Variants in KLF12 observed in about 807,000 individuals in gnomAD.
The protein encoded by KLF12 is Krueppel-like factor 12.
A neutral mutation model predicts 37.8 loss-of-function variants in KLF12; 9 were observed. That is an observed-to-expected ratio of 0.24 (90% CI 0.14 to 0.42). The LOEUF (loss-of-function observed/expected upper bound fraction) is 0.42, where lower values mean the gene tolerates loss of function less well. Ranked by LOEUF, KLF12 falls within the 10% of genes least tolerant of loss-of-function variation. KLF12 has a pLI of 1.00. For missense variants in KLF12, 411 were observed against 516.0 expected, an observed-to-expected ratio of 0.80 and a Z score of 1.97; for synonymous variants, 208 against 202.1, an observed-to-expected ratio of 1.03 and a Z score of -0.25.
the KLF12 span, among the ~76,000 whole-genome samples, chr13:74,212,041 G>A: frequency 6.6e-6 from 1 of 151,962 alleles, no homozygotes; most frequent in Non-Finnish European, 1.5e-5. Flanking sequence ...TTTTCAAAGT[G>A]GAGTGAAAAA....
intron 7 of KLF12, among the ~76,000 whole-genome samples, chr13:73,713,006 G>A (rs78156481): frequency 0.068 from 10,401 of 152,134 alleles, 463 homozygotes; most frequent in South Asian, 0.17. Flanking sequence ...TTTGAGGTAC[G>A]CCTGTATTAA....
At chr13:73,861,345 C>T (rs1052384580) in intron 3 of KLF12, among the ~76,000 whole-genome samples, 6 of 152,218 alleles carry the variant, frequency 3.9e-5, no homozygotes, top group Admixed American at 3.9e-4. Context: ...TCTGCTGCTG[C>T]TTCCTGCGCA....
chr13:74,088,050 C>T (rs1011824437), intron 1 of KLF12, among the ~76,000 whole-genome samples: 2 of 151,996 alleles, frequency 1.3e-5, no homozygotes, highest in African/African-American at 4.8e-5. Context: ...GGAGTGGTAT[C>T]CTACAGACTG....
At chr13:73,779,013 C>T (rs1207881593) in intron 5 of KLF12, among the ~76,000 whole-genome samples, 3 of 152,100 alleles carry the variant, frequency 2.0e-5, no homozygotes, top group Admixed American at 2.0e-4. Flanking sequence ...CTAGTCTGGG[C>T]TATTTAAATG....
the KLF12 span, among the ~76,000 whole-genome samples, chr13:74,181,370 A>C: frequency 6.6e-6 from 1 of 151,400 alleles, no homozygotes; most frequent in South Asian, 2.1e-4. Context: ...TGAAAAAAAA[A>C]AAAGAAAAAT....
rs1441209872 is a variant in KLF12, at chr13:73,874,893, T to C, written c.124-28520A>G. ...AACCAAAGAGAAATTTTAAGAATTA[T>C]AGCTCTTTGCCCTTACAAAGTTTCA... On this transcript the variant is annotated intron_variant, in intron 3 of 7. Coordinates refer to ENST00000377669, the MANE Select transcript of KLF12 (RefSeq NM_007249.5). Among the ~76,000 whole-genome samples the C allele has an allele frequency of 3.3e-5, 5 of 152,326 alleles. No individual in the cohort carries two copies. In the South Asian group the frequency reaches 6.2e-4, roughly 19 times the overall value.
intron 1 of KLF12, among the ~76,000 whole-genome samples, chr13:74,065,617 A>C (rs1235798114): frequency 1.3e-5 from 2 of 152,124 alleles, no homozygotes; most frequent in Non-Finnish European, 2.9e-5. Flanking sequence ...AGAGAAGTGG[A>C]TATACACAGA....
intron 3 of KLF12, among the ~76,000 whole-genome samples, chr13:73,889,449 G>T (rs1013816644): frequency 6.6e-6 from 1 of 152,072 alleles, no homozygotes; most frequent in African/African-American, 2.4e-5. Flanking sequence ...GAATTATTAC[G>T]CTCACTTTGC....
At chr13:74,126,329 G>A (rs1172110362) in intron 1 of KLF12, among the ~76,000 whole-genome samples, 1 of 152,176 alleles carries the variant, frequency 6.6e-6, no homozygotes, top group Non-Finnish European at 1.5e-5. Context: ...ATATGCAGAA[G>A]TGAAGGGACC....
chr13:74,058,449 G>C (rs1029947618), intron 1 of KLF12, among the ~76,000 whole-genome samples: 5 of 147,244 alleles, frequency 3.4e-5, no homozygotes, highest in African/African-American at 1.3e-4. Context: ...CTCCGCCTCC[G>C]GGTTCACGCC....
the KLF12 span, among the ~76,000 whole-genome samples, chr13:74,175,328 C>G: frequency 6.6e-6 from 1 of 152,078 alleles, no homozygotes; most frequent in Non-Finnish European, 1.5e-5. Context: ...TGTAGGGAAG[C>G]CAGAAAGAAT....
chr13:73,774,105 C>T (rs564146192), intron 5 of KLF12, among the ~76,000 whole-genome samples: 14 of 151,850 alleles, frequency 9.2e-5, no homozygotes, highest in African/African-American at 2.7e-4. Flanking sequence ...AGTACCAGGC[C>T]GTATGTCCAA....
chr13:74,192,392 C>T, the KLF12 span, among the ~76,000 whole-genome samples: 289 of 152,244 alleles, frequency 1.9e-3, no homozygotes, highest in Middle Eastern at 6.8e-3. Context: ...CTTTCAGATA[C>T]GACTACAGTC....
At chr13:74,210,389 T>C in the KLF12 span, among the ~76,000 whole-genome samples, 38 of 152,174 alleles carry the variant, frequency 2.5e-4, 1 homozygote, top group Admixed American at 9.2e-4. Context: ...ATTATGCTTT[T>C]TGCCCTGCAA....
intron 6 of KLF12, among the ~76,000 whole-genome samples, chr13:73,721,755 G>A (rs7992998): frequency 0.64 from 95,700 of 150,456 alleles, 30,924 homozygotes; most frequent in East Asian, 0.73. Context: ...GTCTTGCTGT[G>A]TTGTCCTAGC....
At chr13:73,762,666 T>A (rs1270021154) in intron 6 of KLF12, among the ~76,000 whole-genome samples, 1 of 152,164 alleles carries the variant, frequency 6.6e-6, no homozygotes, top group Non-Finnish European at 1.5e-5. Context: ...GAACTTGACA[T>A]GTAATCCTAC....
At chr13:74,044,855 A>G (rs1893499072) in intron 1 of KLF12, among the ~76,000 whole-genome samples, 1 of 151,088 alleles carries the variant, frequency 6.6e-6, no homozygotes. Context: ...AAAAACAGAA[A>G]GTCTCAAAAA....
intron 1 of KLF12, among the ~76,000 whole-genome samples, chr13:74,085,089 T>G (rs1193354910): frequency 6.6e-6 from 1 of 151,996 alleles, no homozygotes; most frequent in African/African-American, 2.4e-5. Context: ...GAAAGAAGAA[T>G]GAGACAGTCC....
the KLF12 span, among the ~76,000 whole-genome samples, chr13:74,235,800 A>C: frequency 6.6e-6 from 1 of 152,260 alleles, no homozygotes; most frequent in Admixed American, 6.5e-5. Flanking sequence ...ATTTTGTTTT[A>C]AATTAAAATT....
Sources: gnomAD v4.1 joint callset for allele counts (sites outside exome capture counted in the v4.1 genomes callset) on GRCh38, gnomAD v4.1.1 for gene constraint, MANE v1.5 for transcripts, NCBI Gene and HGNC (gene_info 2026-07-23, HGNC 2026-07-21) for gene names.